The following CECR2 variants were observed in gnomAD, a reference collection of about 807,000 sequenced individuals.
CECR2 encodes CECR2 histone acetyl-lysine reader, also known as chromatin remodeling regulator CECR2.
In CECR2, 30 loss-of-function variants were observed where a neutral mutation model predicts 154.5. The ratio of observed to expected loss-of-function variants is 0.19; its 90% confidence interval spans 0.15 to 0.26. The LOEUF is 0.26. Among genes scored for constraint, CECR2 ranks in the 10% least tolerant of loss-of-function variants. The pLI is 1.00. For synonymous variants in CECR2, 725 were observed against 683.7 expected (o/e 1.06, Z -0.94); for missense variants, 1,743 against 1,829.3 (o/e 0.95, Z 0.86).
chr22:17,405,229 G>C (rs1197144468), intron 1 of CECR2, among the ~76,000 whole-genome samples: 1 of 152,000 alleles, frequency 6.6e-6, no homozygotes, highest in Non-Finnish European at 1.5e-5. Context: ...GGCCAACATA[G>C]TGAAACCTTG....
intron 2 of CECR2, among the ~76,000 whole-genome samples, chr22:17,480,207 GA>G (rs1297642163): frequency 3.3e-5 from 5 of 151,792 alleles, no homozygotes; most frequent in Non-Finnish European, 7.4e-5. Context: ...TGTTAATACT[GA>G]TGTCTGCTTC....
chr22:17,533,191 C>T (rs1198519774), intron 9 of CECR2, among the ~76,000 whole-genome samples: 1 of 151,562 alleles, frequency 6.6e-6, no homozygotes. Context: ...TGGTGCACTT[C>T]TGTAATCCCA....
Position 17,542,789 on chromosome 22 carries a change from C to A in CECR2, c.2646C>A (p.Ser882Arg), listed in dbSNP as rs1268190307. ...GVQGGDSMMD[S>R]PEMIAMQQLS... ...AGGGAGGGGACTCCATGATGGACAG[C>A]CCAGAGATGATTGCGATGCAGCAGC... is the stretch of plus-strand genomic sequence containing the variant. The change falls in exon 16 of 19, where the codon AGC becomes AGA. Residue 882 changes from serine to arginine, a missense_variant. By Grantham distance (110) the Ser-to-Arg change is moderately radical (BLOSUM62 -1). This residue lies in a region of CECR2 where 1,250 missense variants were observed against 1,192.1 expected (regional missense o/e 1.05). Coordinates refer to ENST00000262608, the MANE Select transcript of CECR2 (RefSeq NM_001290047.2). The A allele has an allele frequency of 6.2e-7, 1 of 1,613,978 alleles. No homozygotes were observed. The highest frequency in any genetic ancestry group is 1.1e-5 in the South Asian group (1 of 91,080).
rs140272397 is a variant in CECR2 at position 17,477,175 on chromosome 22, A to G, written c.127-413A>G. ...TCTTGAGAAGGTTGAGTAAATGACA[A>G]ATGTTTCATAAACAATTACATGAGC... On this transcript the variant is annotated intron_variant, in intron 1 of 18. Coordinates refer to ENST00000262608, the MANE Select transcript of CECR2 (RefSeq NM_001290047.2). The G allele has an allele frequency of 4.9e-3, 3,530 of 718,882 alleles. 127 individuals carry two copies. In the Admixed American group the frequency reaches 0.065, roughly 13 times the overall value. 44.5% of individuals were successfully genotyped at this position (718,882 alleles called of 1,614,324 possible). A position where few individuals can be genotyped will look rare whatever the true frequency, so the allele number is the denominator to read the frequency against.
chr22:17,545,222 A>G (rs1601547219), intron 16 of CECR2, among the ~76,000 whole-genome samples: 1 of 151,602 alleles, frequency 6.6e-6, no homozygotes, highest in South Asian at 2.1e-4. Flanking sequence ...TAAAAATACA[A>G]AAATTAGCCG....
At chr22:17,437,016 T>G (rs1466337429) in intron 1 of CECR2, among the ~76,000 whole-genome samples, 1 of 152,178 alleles carries the variant, frequency 6.6e-6, no homozygotes, top group Non-Finnish European at 1.5e-5. Flanking sequence ...GTGAAAACTT[T>G]CCTTTTAAAA....
rs781220737 is a variant in CECR2, at chr22:17,548,325, C to T, written c.3038C>T (p.Ala1013Val). 3.7e-6 allele frequency: 6 copies of T among 1,611,034 alleles called. No homozygotes were observed. Among genetic ancestry groups the T allele is most frequent in the East Asian group, 2.2e-5 (1 of 44,778 alleles). Residue 1013 changes from alanine (A) to valine (V), a missense_variant, in exon 17 of 19, where the codon GCG becomes GTG. By Grantham distance (64) the Ala-to-Val change is moderately conservative. Coordinates refer to ENST00000262608, the MANE Select transcript of CECR2 (RefSeq NM_001290047.2). ...CTCAAAAGCAGCTCCTCCGAATCTG[C>T]GGACAACTGTAAAGCAATGAAGGGC... ...PELKSSSSES[A>V]DNCKAMKGKN...
chr22:17,429,467 C>T (rs62239288), intron 1 of CECR2, among the ~76,000 whole-genome samples: 1 of 147,894 alleles, frequency 6.8e-6, no homozygotes, highest in Admixed American at 6.9e-5. Flanking sequence ...TTTGGGAAGC[C>T]GAGGTAGTCG....
intron 3 of CECR2, among the ~76,000 whole-genome samples, chr22:17,498,617 AGCCCC>A (rs2055676557): frequency 6.6e-6 from 1 of 152,204 alleles, no homozygotes; most frequent in African/African-American, 2.4e-5. Flanking sequence ...AGTACAGGTC[AGCCCC>A]CGAGGTAAAT....
chr22:17,409,387 C>T (rs1284343879), intron 1 of CECR2, among the ~76,000 whole-genome samples: 1 of 109,324 alleles, frequency 9.1e-6, no homozygotes, highest in African/African-American at 3.0e-5. Context: ...TGCCTCCCAC[C>T]ACACCCAGCT....
rs2056662465 is a variant in CECR2 at position 17,549,009 on chromosome 22, A to T, written c.3722A>T (p.Asn1241Ile). The T allele has an allele frequency of 6.2e-7, 1 of 1,613,984 alleles. No individual in the cohort carries two copies. Among genetic ancestry groups the T allele is most frequent in the African/African-American group, 1.3e-5 (1 of 75,034 alleles). Residue 1241 changes from asparagine to isoleucine, a missense_variant, in exon 17 of 19, where the codon AAT (asparagine) becomes ATT (isoleucine). Physicochemically the swap from Asn to Ile is moderately radical, Grantham distance 149. Coordinates refer to ENST00000262608, the MANE Select transcript of CECR2 (RefSeq NM_001290047.2). Reference protein sequence around the residue: ...PPPRSLFSDKNAMASLQGCET... With the variant: ...PPPRSLFSDKIAMASLQGCET... The stretch of plus-strand genomic sequence containing the variant: ...CCAAGGTCCCTCTTCTCAGATAAGA[A>T]TGCCATGGCCAGTCTGCAAGGCTGT...
In CECR2 at chr22:17,549,209, C is replaced by A; in HGVS notation, c.3922C>A (p.Arg1308=). The change falls in exon 17 of 19, where the codon CGG becomes AGG. Residue 1308 remains arginine, a synonymous_variant. Transcript: ENST00000262608. ...GGACAACCATAACGCAGCTACCAAG[C>A]GGCAGAGCTCGTTGTCAGCCAGCGA... ...DLDNHNAATK[R]QSSLSASEYL... is the part of the protein sequence containing the mutation. 6.2e-7 allele frequency: 1 copy of A among 1,614,034 alleles called. No homozygotes were observed. The highest frequency in any genetic ancestry group is 8.5e-7 in the Non-Finnish European group (1 of 1,179,896).
At chr22:17,391,374 T>TC (rs2063323946) in intron 1 of CECR2, among the ~76,000 whole-genome samples, 1 of 152,324 alleles carries the variant, frequency 6.6e-6, no homozygotes, top group Admixed American at 6.5e-5. Context: ...GGTAAAATGA[T>TC]TTAAATTTCA....
intron 1 of CECR2, among the ~76,000 whole-genome samples, chr22:17,402,871 C>G (rs2053918489): frequency 6.6e-6 from 1 of 151,678 alleles, no homozygotes; most frequent in Non-Finnish European, 1.5e-5. Context: ...AGTTCTCCTG[C>G]CTCAGCCTCC....
intron 1 of CECR2, among the ~76,000 whole-genome samples, chr22:17,448,284 T>C (rs2146690047): frequency 6.6e-6 from 1 of 152,326 alleles, no homozygotes; most frequent in East Asian, 1.9e-4. Context: ...GGTGGGCTAG[T>C]AGGAACAATC....
At position 17,457,492 on chromosome 22, in the gene CECR2, C is replaced by T. The variant is rs561445370; in HGVS notation, c.127-20096C>T. On this transcript the variant is annotated intron_variant, in intron 1 of 18. Coordinates refer to ENST00000262608, the MANE Select transcript of CECR2 (RefSeq NM_001290047.2). Reference sequence around the variant, plus strand: ...TTTTGTAAAATTTTTTGAGCTATAGCCTATTTCTTGTCAGGAACTCTTCAC... The same window carrying T: ...TTTTGTAAAATTTTTTGAGCTATAGTCTATTTCTTGTCAGGAACTCTTCAC... Among the ~76,000 whole-genome samples, 11 of 152,234 alleles carry T rather than the reference C, an allele frequency of 7.2e-5. No individual in the cohort carries two copies. In the South Asian group the frequency reaches 2.1e-3, roughly 29 times the overall value.
intron 10 of CECR2, 49 bp downstream of exon 10, chr22:17,537,281 A>G (rs770097263): frequency 6.2e-7 from 1 of 1,606,210 alleles, no homozygotes. Flanking sequence ...GGTAGCATTT[A>G]TGAAGCATTC....
Position 17,553,249 on chromosome 22 carries a change from T to C in CECR2, c.*409T>C, listed in dbSNP as rs2056735807. On this transcript the variant is annotated 3_prime_UTR_variant, in exon 19 of 19. Transcript: ENST00000262608. ...TCAGGTATATATTTGGGGAAGGGAC[T>C]ACTCTTAGTATTAATGGTTTTGGAG... 1 of 162,002 alleles carries C rather than the reference T, an allele frequency of 6.2e-6. No homozygotes were observed. The highest frequency in any genetic ancestry group is 2.0e-4 in the South Asian group (1 of 5,106). The allele number at this position is 162,002 out of a possible 1,614,324, so 10.0% of individuals were successfully genotyped here.
At chr22:17,518,807 C>A in intron 8 of CECR2, 1 of 335,326 alleles carries the variant, frequency 3.0e-6, no homozygotes, top group South Asian at 2.9e-5. Context: ...CTTTTTTCAC[C>A]ATTGGATAGA....
Sources: gnomAD v4.1 joint callset for allele counts (sites outside exome capture counted in the v4.1 genomes callset) on GRCh38, gnomAD v4.1.1 for gene constraint, gnomAD v4.1.1 regional missense constraint, MANE v1.5 for transcripts, NCBI Gene and HGNC (gene_info 2026-07-23, HGNC 2026-07-21) for gene names.